Variants in SV2C observed in about 807,000 individuals in gnomAD.
The protein encoded by SV2C is synaptic vesicle glycoprotein 2C.
SV2C carries 49 observed loss-of-function variants against 79.7 expected under a neutral mutation model. The ratio of observed to expected loss-of-function variants is 0.61; its 90% CI spans 0.49 to 0.78. The LOEUF (loss-of-function observed/expected upper bound fraction) is 0.78, where lower values mean the gene tolerates loss of function less well. Ranked by LOEUF, SV2C falls within the 30% of genes least tolerant of loss-of-function variation. SV2C has a pLI of 0.00. For synonymous variants in SV2C, 334 were observed against 333.2 expected (o/e 1.00, Z -0.03); for missense variants, 833 against 912.9 (o/e 0.91, Z 1.13).
the SV2C span, among the ~76,000 whole-genome samples, chr5:75,848,558 G>A: frequency 6.6e-6 from 1 of 152,152 alleles, no homozygotes; most frequent in Non-Finnish European, 1.5e-5. Flanking sequence ...AATCTCAAAA[G>A]TTCTTGTTTT....
At chr5:75,859,374 A>G in the SV2C span, among the ~76,000 whole-genome samples, 1 of 152,272 alleles carries the variant, frequency 6.6e-6, no homozygotes, top group Non-Finnish European at 1.5e-5. Context: ...GAGAAAAACC[A>G]AAACATTCTC....
At chr5:75,894,686 C>T in the SV2C span, among the ~76,000 whole-genome samples, 1 of 152,020 alleles carries the variant, frequency 6.6e-6, no homozygotes, top group South Asian at 2.1e-4. Flanking sequence ...ATCCTAGCAA[C>T]CTGAGGTGAT....
chr5:76,238,434 G>A (rs1394720284), intron 4 of SV2C, among the ~76,000 whole-genome samples: 2 of 152,010 alleles, frequency 1.3e-5, no homozygotes, highest in Non-Finnish European at 2.9e-5. Flanking sequence ...GGAGTGATCC[G>A]CGTTTTGTTC....
chr5:76,295,676 C>A, intron 8 of SV2C, 102 bp from the exon 9 acceptor site: 2 of 1,138,354 alleles, frequency 1.8e-6, no homozygotes, highest in Non-Finnish European at 2.5e-6. Context: ...AGGGAGCCAG[C>A]CATTCTCCGG....
intron 4 of SV2C, among the ~76,000 whole-genome samples, chr5:76,252,571 C>T (rs1746148351): frequency 6.6e-6 from 1 of 152,224 alleles, no homozygotes; most frequent in South Asian, 2.1e-4. Context: ...AACCTCTGGG[C>T]TCTGAACAAA....
intron 4 of SV2C, among the ~76,000 whole-genome samples, chr5:76,231,755 A>G (rs1230683130): frequency 6.9e-6 from 1 of 144,714 alleles, no homozygotes; most frequent in Non-Finnish European, 1.5e-5. Flanking sequence ...TGTCCCTACA[A>G]AGGACATGAA....
At chr5:75,956,345 A>G in the SV2C span, among the ~76,000 whole-genome samples, 1 of 139,398 alleles carries the variant, frequency 7.2e-6, no homozygotes, top group Non-Finnish European at 1.5e-5. Flanking sequence ...GAATTGAACA[A>G]TGAGAACACA....
chr5:76,063,943 T>A, the SV2C span, among the ~76,000 whole-genome samples: 6 of 152,128 alleles, frequency 3.9e-5, no homozygotes. Context: ...AAGGCAGATG[T>A]ACCCTGGATG....
the SV2C span, among the ~76,000 whole-genome samples, chr5:75,904,374 C>A: frequency 5.1e-5 from 7 of 136,876 alleles, no homozygotes; most frequent in Non-Finnish European, 9.2e-5. Context: ...CTCAAAAAAA[C>A]AAAACAAAAC....
At chr5:76,228,354 G>A (rs1745316660) in intron 4 of SV2C, among the ~76,000 whole-genome samples, 1 of 152,126 alleles carries the variant, frequency 6.6e-6, no homozygotes, top group Admixed American at 6.5e-5. Context: ...GACAGGCTGT[G>A]GTGACCCCAG....
chr5:76,262,141 C>A (rs1220317073), intron 4 of SV2C, among the ~76,000 whole-genome samples: 1 of 152,102 alleles, frequency 6.6e-6, no homozygotes, highest in Non-Finnish European at 1.5e-5. Flanking sequence ...TTCAGGGATT[C>A]AATTTCTTCC....
the SV2C span, among the ~76,000 whole-genome samples, chr5:75,901,935 G>T: frequency 6.6e-6 from 1 of 152,148 alleles, no homozygotes; most frequent in Non-Finnish European, 1.5e-5. Context: ...TTTTAAGCCC[G>T]TCAGAAAAGC....
At chr5:76,107,671 A>G (rs1258392085) in intron 1 of SV2C, among the ~76,000 whole-genome samples, 1 of 152,086 alleles carries the variant, frequency 6.6e-6, no homozygotes, top group Non-Finnish European at 1.5e-5. Flanking sequence ...CGAGAACAAC[A>G]TGGTGAAACC....
rs1020949517 is a variant in SV2C, at chr5:76,101,616, T to C, written c.-102+18104T>C. 3.3e-5 allele frequency among the ~76,000 whole-genome samples: 5 copies of C among 152,248 alleles called. No individual in the cohort carries two copies. The South Asian group carries it at 1.0e-3, about 32-fold the overall frequency. Reference sequence around the variant, plus strand: ...ACTTTCAAACAGTACTTAAAAGCTATGAAGACAGTGCAGCAGTTGATGTCA... The same window carrying C: ...ACTTTCAAACAGTACTTAAAAGCTACGAAGACAGTGCAGCAGTTGATGTCA... On this transcript the variant is annotated intron_variant, in intron 1 of 12. Coordinates refer to ENST00000502798, the MANE Select transcript of SV2C (RefSeq NM_014979.4).
the SV2C span, among the ~76,000 whole-genome samples, chr5:75,975,406 A>G: frequency 1.3e-5 from 2 of 152,196 alleles, no homozygotes; most frequent in Non-Finnish European, 2.9e-5. Flanking sequence ...ACATCTGTCA[A>G]AATCCTTGCT....
the SV2C span, among the ~76,000 whole-genome samples, chr5:75,907,510 A>G: frequency 3.4e-3 from 517 of 152,282 alleles, 1 homozygote; most frequent in African/African-American, 0.012. Context: ...GATATAAGCA[A>G]ACACCCACAC....
chr5:76,090,016 T>C (rs1561210792), intron 1 of SV2C, among the ~76,000 whole-genome samples: 1 of 152,246 alleles, frequency 6.6e-6, no homozygotes, highest in Admixed American at 6.5e-5. Flanking sequence ...TTTTGATGTA[T>C]AAAATTCCAC....
the SV2C span, among the ~76,000 whole-genome samples, chr5:75,978,253 C>T: frequency 1.4e-4 from 21 of 152,300 alleles, no homozygotes; most frequent in Middle Eastern, 6.8e-3. Flanking sequence ...CACCATTTCT[C>T]TTGGCCCTCC....
chr5:76,306,584 G>A (rs1748201724), intron 12 of SV2C, among the ~76,000 whole-genome samples: 1 of 152,304 alleles, frequency 6.6e-6, no homozygotes, highest in Non-Finnish European at 1.5e-5. Context: ...CTAGTTATAA[G>A]CATGACCTCA....
Sources: allele counts gnomAD v4.1 joint callset (sites outside exome capture counted in the v4.1 genomes callset), GRCh38; gene constraint gnomAD v4.1.1; transcripts MANE v1.5; gene names NCBI Gene and HGNC (gene_info 2026-07-23, HGNC 2026-07-21).